Variants in PHACTR3 observed in about 807,000 individuals in gnomAD.
The protein encoded by PHACTR3 is protein phosphatase 1, regulatory subunit 123.
PHACTR3 carries 16 observed loss-of-function variants against 66.8 expected under a neutral mutation model. That is an observed-to-expected ratio of 0.24 (90% CI 0.16 to 0.36). The LOEUF (loss-of-function observed/expected upper bound fraction) is 0.36. Among genes scored for constraint, PHACTR3 ranks in the 10% least tolerant of loss-of-function variants. The pLI is 1.00. For synonymous variants in PHACTR3, 323 were observed against 292.1 expected, an observed-to-expected ratio of 1.11 and a Z score of -1.08; for missense variants, 647 against 719.9, an observed-to-expected ratio of 0.90 and a Z score of 1.16.
At chr20:59,637,864 G>A (rs2034951416) in intron 1 of PHACTR3, among the ~76,000 whole-genome samples, 1 of 152,136 alleles carries the variant, frequency 6.6e-6, no homozygotes, top group African/African-American at 2.4e-5. Flanking sequence ...TTTTTCTTGA[G>A]GGACTGCTTT....
chr20:59,841,676 ATAATTCAGGGTCAGATTGAGAAG>A (rs2059064800), intron 11 of PHACTR3, 141 bp downstream of exon 11: 1 of 916,756 alleles, frequency 1.1e-6, no homozygotes, highest in South Asian at 2.9e-5. Flanking sequence ...TTTCTCAAAG[ATAATTCAGGGTCAGATTGAGAAG>A]TGGTTCTCAG....
At chr20:59,837,340 T>C (rs1288365387) in intron 9 of PHACTR3, among the ~76,000 whole-genome samples, 2 of 152,240 alleles carry the variant, frequency 1.3e-5, no homozygotes, top group Non-Finnish European at 1.5e-5. Context: ...GAGTTTGTTT[T>C]CTTATTTGTG....
intron 1 of PHACTR3, among the ~76,000 whole-genome samples, chr20:59,659,989 G>A (rs2035756351): frequency 6.6e-6 from 1 of 152,132 alleles, no homozygotes; most frequent in East Asian, 1.9e-4. Context: ...GCCCTGGAGA[G>A]GTTTCTCCCA....
At chr20:59,655,127 G>C (rs2035576473) in intron 1 of PHACTR3, among the ~76,000 whole-genome samples, 1 of 152,002 alleles carries the variant, frequency 6.6e-6, no homozygotes, top group Non-Finnish European at 1.5e-5. Flanking sequence ...GTAGGTTTAT[G>C]TTTAAAAAGA....
rs139216585 is a variant in PHACTR3 at position 59,809,051 on chromosome 20, C to T, written c.1328+2857C>T. The stretch of plus-strand genomic sequence containing the variant: ...ATCCATGATCTGAATGTTGGACTCC[C>T]GCTCTGGGCAGATTTTCCTCTGAGC... On this transcript the variant is annotated intron_variant, in intron 8 of 12. Coordinates refer to ENST00000371015, the MANE Select transcript of PHACTR3 (RefSeq NM_080672.5). Among the ~76,000 whole-genome samples the T allele has an allele frequency of 7.4e-3, 1,134 of 152,242 alleles. 9 individuals are homozygous for T. The highest frequency in any genetic ancestry group is 0.013 in the Non-Finnish European group (866 of 68,024).
chr20:59,739,039 G>A (rs896903372), intron 1 of PHACTR3, among the ~76,000 whole-genome samples: 2 of 152,166 alleles, frequency 1.3e-5, no homozygotes, highest in Non-Finnish European at 2.9e-5. Flanking sequence ...TCTGAGAAGA[G>A]AAGGATCCCT....
chr20:59,765,895 G>A (rs1404965319), intron 4 of PHACTR3, among the ~76,000 whole-genome samples: 4 of 152,216 alleles, frequency 2.6e-5, no homozygotes, highest in Non-Finnish European at 2.9e-5. Flanking sequence ...GAGAGTGTTC[G>A]TGTGTTCTTC....
chr20:59,644,974 A>C (rs1427684988), intron 1 of PHACTR3, among the ~76,000 whole-genome samples: 1 of 152,062 alleles, frequency 6.6e-6, no homozygotes, highest in Non-Finnish European at 1.5e-5. Context: ...GATAGTAAAC[A>C]TAGGGCCTGA....
rs761097375 is a variant in PHACTR3 at position 59,755,334 on chromosome 20, C to A, written c.511C>A (p.Leu171Met). 3 of 1,613,664 alleles carry A rather than the reference C, an allele frequency of 1.9e-6. No individual in the cohort carries two copies. The highest frequency in any genetic ancestry group is 1.1e-5 in the South Asian group (1 of 91,070). The change falls in exon 4 of 13, where the codon CTG becomes ATG. Residue 171 changes from leucine to methionine, a missense_variant. Transcript: ENST00000371015. ...GGACCAGGTCTCCCTGGACAAGCCACTGTCCTCAGCTGCCCACTTGGACGA... is the reference window on the plus strand; with the variant it reads ...GGACCAGGTCTCCCTGGACAAGCCAATGTCCTCAGCTGCCCACTTGGACGA... The part of the protein sequence containing the change: ...GTDQVSLDKP[L>M]SSAAHLDDAA...
chr20:59,717,245 T>C (rs1568740242), intron 1 of PHACTR3, among the ~76,000 whole-genome samples: 1 of 152,162 alleles, frequency 6.6e-6, no homozygotes, highest in Non-Finnish European at 1.5e-5. Context: ...ATCTTAATAA[T>C]GAAAACAGCA....
At chr20:59,679,713 G>A (rs1296865220) in intron 1 of PHACTR3, among the ~76,000 whole-genome samples, 2 of 152,116 alleles carry the variant, frequency 1.3e-5, no homozygotes, top group Non-Finnish European at 2.9e-5. Context: ...ATGGCAGAAG[G>A]TGAAAGGCAT....
chr20:59,599,258 A>T (rs1303400802), intron 1 of PHACTR3, among the ~76,000 whole-genome samples: 2 of 152,158 alleles, frequency 1.3e-5, no homozygotes, highest in African/African-American at 2.4e-5. Flanking sequence ...GTACTGGGAG[A>T]CTACGACCTC....
intron 1 of PHACTR3, among the ~76,000 whole-genome samples, chr20:59,591,766 A>G (rs1312664254): frequency 6.6e-6 from 1 of 152,218 alleles, no homozygotes; most frequent in Non-Finnish European, 1.5e-5. Flanking sequence ...GTGTCACCGC[A>G]GAAACCATGT....
intron 1 of PHACTR3, among the ~76,000 whole-genome samples, chr20:59,664,826 C>T (rs1439645847): frequency 1.3e-5 from 2 of 152,182 alleles, no homozygotes; most frequent in Non-Finnish European, 2.9e-5. Flanking sequence ...CACAAGTCAG[C>T]CCCTGAAATC....
chr20:59,761,781 T>A (rs1354877204), intron 4 of PHACTR3, among the ~76,000 whole-genome samples: 2 of 152,164 alleles, frequency 1.3e-5, no homozygotes, highest in Admixed American at 6.5e-5. Context: ...GCGCTGTGGT[T>A]GAGCTTCAGG....
At chr20:59,775,740 C>G (rs2040516583) in intron 7 of PHACTR3, among the ~76,000 whole-genome samples, 1 of 152,150 alleles carries the variant, frequency 6.6e-6, no homozygotes, top group African/African-American at 2.4e-5. Context: ...TCGTTAGGCC[C>G]TGGAATCCTT....
intron 1 of PHACTR3, among the ~76,000 whole-genome samples, chr20:59,728,683 T>C (rs2146710251): frequency 6.6e-6 from 1 of 152,240 alleles, no homozygotes; most frequent in South Asian, 2.1e-4. Context: ...CCATTCCTTT[T>C]TCTGACCACA....
chr20:59,597,291 T>C (rs2180681), intron 1 of PHACTR3, among the ~76,000 whole-genome samples: 77,499 of 152,138 alleles, frequency 0.51, 19,790 homozygotes, highest in East Asian at 0.57. Context: ...CTAGGCTCTA[T>C]AAAAGTGCTG....
intron 1 of PHACTR3, among the ~76,000 whole-genome samples, chr20:59,615,915 T>C (rs2034008977): frequency 1.3e-5 from 2 of 152,170 alleles, no homozygotes; most frequent in African/African-American, 4.8e-5. Flanking sequence ...AATCCACACA[T>C]TAGGCTTATT....
Sources: allele counts gnomAD v4.1 joint callset (sites outside exome capture counted in the v4.1 genomes callset), GRCh38; gene constraint gnomAD v4.1.1; transcripts MANE v1.5; gene names NCBI Gene and HGNC (gene_info 2026-07-23, HGNC 2026-07-21).